Variants in COBL observed in about 807,000 individuals in gnomAD.
COBL encodes the protein cordon-bleu WH2 repeat protein.
In COBL, 51 loss-of-function variants were observed where a neutral mutation model predicts 98.8. That is an observed-to-expected ratio of 0.52 (90% CI 0.41 to 0.65). The LOEUF (loss-of-function observed/expected upper bound fraction) is 0.65, where lower values mean the gene tolerates loss of function less well. Among genes scored for constraint, COBL ranks in the 30% least tolerant of loss-of-function variants. The pLI is 0.00. For synonymous variants in COBL, 634 were observed against 651.7 expected (o/e 0.97, Z 0.41); for missense variants, 1,617 against 1,617.5 (o/e 1.00, Z 0.01).
At chr7:51,050,298 T>C (rs994587838) in intron 7 of COBL, among the ~76,000 whole-genome samples, 1 of 152,212 alleles carries the variant, frequency 6.6e-6, no homozygotes, top group Non-Finnish European at 1.5e-5. Context: ...AGTCCTAGAA[T>C]CTTAACGTGC....
At chr7:51,309,428 C>T (rs910247129) in intron 1 of COBL, among the ~76,000 whole-genome samples, 2 of 152,158 alleles carry the variant, frequency 1.3e-5, no homozygotes, top group Non-Finnish European at 1.5e-5. Flanking sequence ...ATTATCTCCT[C>T]TTTAAGCCAC....
chr7:51,034,814 T>C (rs1588281122), intron 8 of COBL: 1 of 152,210 alleles, frequency 6.6e-6, no homozygotes, highest in Non-Finnish European at 1.5e-5. Flanking sequence ...CATACCTCAA[T>C]CTTTAGAAAC....
intron 6 of COBL, among the ~76,000 whole-genome samples, chr7:51,100,388 T>G (rs1166840884): frequency 2.0e-5 from 3 of 152,212 alleles, no homozygotes; most frequent in East Asian, 3.9e-4. Context: ...GGAGGAGAGA[T>G]AATTCTATAG....
chr7:51,041,811 C>T (rs1165346323), intron 8 of COBL, among the ~76,000 whole-genome samples: 1 of 152,100 alleles, frequency 6.6e-6, no homozygotes, highest in Non-Finnish European at 1.5e-5. Context: ...GTTAACATTT[C>T]CATAATATTT....
At chr7:51,288,507 C>T (rs900596479) in intron 1 of COBL, among the ~76,000 whole-genome samples, 4 of 151,462 alleles carry the variant, frequency 2.6e-5, no homozygotes, top group African/African-American at 9.7e-5. Flanking sequence ...AATCCCAGCA[C>T]TTTGTGAGGC....
At chr7:51,082,272 G>A (rs954117376) in intron 7 of COBL, among the ~76,000 whole-genome samples, 1 of 152,210 alleles carries the variant, frequency 6.6e-6, no homozygotes, top group Non-Finnish European at 1.5e-5. Context: ...CGTGTACACA[G>A]CCCAGGATGG....
At chr7:51,243,783 G>A (rs977817334) in intron 1 of COBL, among the ~76,000 whole-genome samples, 1 of 152,070 alleles carries the variant, frequency 6.6e-6, no homozygotes, top group Non-Finnish European at 1.5e-5. Context: ...AGGGGGTAGA[G>A]GGAGGTCTTG....
chr7:51,274,572 A>G (rs371116803), intron 1 of COBL, among the ~76,000 whole-genome samples: 1 of 152,212 alleles, frequency 6.6e-6, no homozygotes, highest in African/African-American at 2.4e-5. Context: ...TTTTTCACAG[A>G]TGCAGTGACT....
At chr7:51,146,990 AG>A (rs1785091335) in intron 5 of COBL, among the ~76,000 whole-genome samples, 1 of 152,168 alleles carries the variant, frequency 6.6e-6, no homozygotes, top group Non-Finnish European at 1.5e-5. Flanking sequence ...GGGAGCCAGC[AG>A]GGGGTTGCTC....
At chr7:51,266,655 T>G (rs1264581551) in intron 1 of COBL, among the ~76,000 whole-genome samples, 1 of 152,210 alleles carries the variant, frequency 6.6e-6, no homozygotes, top group Non-Finnish European at 1.5e-5. Context: ...GGCTGCTGCT[T>G]GCAAGTACTT....
chr7:51,160,290 T>C (rs1786659645), intron 5 of COBL, among the ~76,000 whole-genome samples: 1 of 152,212 alleles, frequency 6.6e-6, no homozygotes, highest in African/African-American at 2.4e-5. Context: ...ATAGGAGTTT[T>C]ATATACACAA....
Position 51,256,236 on chromosome 7 carries a change from G to T in COBL, c.42-36292C>A, listed in dbSNP as rs554713051. On this transcript the variant is annotated intron_variant, in intron 1 of 12. Transcript: ENST00000265136. ...TGCCCTGGGTACTTTAGCTGGCAAA[G>T]AACAAATTAGCATTCTCAATCTATA... Among the ~76,000 whole-genome samples the T allele has an allele frequency of 8.5e-5, 13 of 152,164 alleles. 1 individual carries two copies. In the South Asian group the frequency reaches 2.7e-3, roughly 32 times the overall value.
At chr7:51,188,851 T>C (rs1292201354) in intron 4 of COBL, among the ~76,000 whole-genome samples, 2 of 152,218 alleles carry the variant, frequency 1.3e-5, no homozygotes, top group Non-Finnish European at 2.9e-5. Flanking sequence ...GCAGGTTTTA[T>C]ATCACTTCTC....
At chr7:51,051,272 T>C (rs1323261803) in intron 7 of COBL, among the ~76,000 whole-genome samples, 1 of 152,216 alleles carries the variant, frequency 6.6e-6, no homozygotes, top group Non-Finnish European at 1.5e-5. Flanking sequence ...TATAGCTATA[T>C]ATAATCCCTC....
At chr7:51,237,383 AAAT>A (rs1185685045) in intron 1 of COBL, among the ~76,000 whole-genome samples, 15 of 152,212 alleles carry the variant, frequency 9.9e-5, no homozygotes, top group Non-Finnish European at 1.5e-4. Context: ...CCTATGTTGA[AAAT>A]AATATTACAT....
intron 6 of COBL, among the ~76,000 whole-genome samples, chr7:51,092,353 C>T (rs888008739): frequency 4.6e-5 from 7 of 152,124 alleles, no homozygotes; most frequent in South Asian, 2.1e-4. Flanking sequence ...AAATCAATGC[C>T]GAGGCCAATG....
chr7:51,191,498 T>C (rs1790112493), intron 3 of COBL, among the ~76,000 whole-genome samples: 1 of 150,784 alleles, frequency 6.6e-6, no homozygotes, highest in Admixed American at 6.6e-5. Context: ...TTTTAAGGAG[T>C]CAAAATATCC....
Position 51,093,313 on chromosome 7 carries a change from G to A in COBL, c.958-8009C>T, listed in dbSNP as rs1794983251. On this transcript the variant is annotated intron_variant, in intron 6 of 12. Coordinates refer to ENST00000265136, the MANE Select transcript of COBL (RefSeq NM_015198.5). ...TCGCTAACCATATGAGAAATGCAAAGTAAAATCTACAGTGAGGTATCACCT... is the reference window on the plus strand; with the variant it reads ...TCGCTAACCATATGAGAAATGCAAAATAAAATCTACAGTGAGGTATCACCT... Among the ~76,000 whole-genome samples, 3 of 152,134 alleles carry A rather than the reference G, an allele frequency of 2.0e-5. No individual in the cohort carries two copies. The South Asian group carries it at 6.2e-4, about 31-fold the overall frequency.
chr7:51,052,240 C>T (rs1415618746), intron 7 of COBL, among the ~76,000 whole-genome samples: 2 of 152,180 alleles, frequency 1.3e-5, no homozygotes, highest in Non-Finnish European at 2.9e-5. Context: ...TGCAGAAACA[C>T]TCTGCTCAGC....
Sources: allele counts gnomAD v4.1 joint callset (sites outside exome capture counted in the v4.1 genomes callset), GRCh38; gene constraint gnomAD v4.1.1; transcripts MANE v1.5; gene names NCBI Gene and HGNC (gene_info 2026-07-23, HGNC 2026-07-21).